Variants in ANKRD6 observed in about 807,000 individuals in gnomAD.
ANKRD6 encodes ankyrin repeat domain 6, also known as ankyrin repeat domain-containing protein 6.
A neutral mutation model predicts 82.3 loss-of-function variants in ANKRD6; 56 were observed. The observed-to-expected ratio is 0.68, with a 90% confidence interval of 0.55 to 0.85. The LOEUF (loss-of-function observed/expected upper bound fraction) is 0.85, where lower values mean the gene tolerates loss of function less well. Among genes scored for constraint, ANKRD6 ranks in the 40% least tolerant of loss-of-function variants. The probability of loss-of-function intolerance (pLI) is 0.00; values close to 1 mark genes in which losing one functional copy is unlikely to be tolerated. For synonymous variants in ANKRD6, 347 were observed against 352.1 expected (o/e 0.99, Z 0.16); for missense variants, 852 against 907.6 (o/e 0.94, Z 0.79).
intron 1 of ANKRD6, chr6:89,478,433 TA>T (rs1217048852): frequency 1.1e-4 from 16 of 149,194 alleles, no homozygotes; most frequent in East Asian, 3.9e-4. Context: ...ACCCTGTCTC[TA>T]AAAAAAAAAT....
At chr6:89,543,891 TC>T (rs1784727811) in intron 1 of ANKRD6, among the ~76,000 whole-genome samples, 1 of 152,222 alleles carries the variant, frequency 6.6e-6, no homozygotes, top group Non-Finnish European at 1.5e-5. Flanking sequence ...GACATTTACA[TC>T]CATCCTTGCC....
chr6:89,450,863 G>A (rs114078819), intron 1 of ANKRD6, among the ~76,000 whole-genome samples: 2,722 of 152,212 alleles, frequency 0.018, 85 homozygotes, highest in African/African-American at 0.061. Flanking sequence ...CTATGGTGTA[G>A]TAAATAGACT....
chr6:89,523,188 T>C (rs890739413), intron 1 of ANKRD6, among the ~76,000 whole-genome samples: 1 of 152,224 alleles, frequency 6.6e-6, no homozygotes, highest in Non-Finnish European at 1.5e-5. Flanking sequence ...GCTGTGGCAC[T>C]ATCAACTCTC....
At chr6:89,513,556 G>A (rs1166603203) in intron 1 of ANKRD6, among the ~76,000 whole-genome samples, 1 of 152,142 alleles carries the variant, frequency 6.6e-6, no homozygotes, top group African/African-American at 2.4e-5. Context: ...ATAGTTTATT[G>A]ATTTACATTC....
chr6:89,447,482 A>G (rs1351554274), intron 1 of ANKRD6, among the ~76,000 whole-genome samples: 1 of 152,196 alleles, frequency 6.6e-6, no homozygotes, highest in Non-Finnish European at 1.5e-5. Context: ...AAGCTAGCAG[A>G]GATTGGTTCA....
At chr6:89,608,963 C>G (rs1412401778) in intron 5 of ANKRD6, among the ~76,000 whole-genome samples, 1 of 152,236 alleles carries the variant, frequency 6.6e-6, no homozygotes, top group Admixed American at 6.5e-5. Context: ...TGGCTCCTTT[C>G]CCCTAGAGCA....
At chr6:89,492,793 C>A (rs757709448) in intron 1 of ANKRD6, among the ~76,000 whole-genome samples, 1 of 152,112 alleles carries the variant, frequency 6.6e-6, no homozygotes, top group Non-Finnish European at 1.5e-5. Context: ...CCATTTGGTA[C>A]CTTTTTTTTC....
chr6:89,481,048 C>G (rs940603871), intron 1 of ANKRD6, among the ~76,000 whole-genome samples: 3 of 151,860 alleles, frequency 2.0e-5, no homozygotes, highest in Non-Finnish European at 4.4e-5. Flanking sequence ...TCCTACCCCA[C>G]AAAGATAACC....
At chr6:89,483,172 T>C (rs1434111649) in intron 1 of ANKRD6, among the ~76,000 whole-genome samples, 1 of 152,230 alleles carries the variant, frequency 6.6e-6, no homozygotes, top group African/African-American at 2.4e-5. Flanking sequence ...CCCAGCACAG[T>C]GTCCTTGGAT....
chr6:89,612,351 G>GC lies in ANKRD6; in HGVS notation c.498dup (p.Ala167ArgfsTer2), dbSNP rs1563065736. ...CGCGTCCTCCTGCTGGCCGGGTCCCGCGCTGACCTCAAAAATAATGTGGGT... is the reference window on the plus strand; with the variant it reads ...CGCGTCCTCCTGCTGGCCGGGTCCCGCCGCTGACCTCAAAAATAATGTGGGT... On this transcript the variant is annotated frameshift_variant, in exon 6 of 16. Coordinates refer to ENST00000339746, the MANE Select transcript of ANKRD6 (RefSeq NM_001242809.2). LOFTEE classifies it high-confidence loss of function. The GC allele has an allele frequency of 6.4e-7, 1 of 1,559,142 alleles. No individual in the cohort carries two copies. The highest frequency in any genetic ancestry group is 1.9e-5 in the Admixed American group (1 of 52,130).
intron 1 of ANKRD6, among the ~76,000 whole-genome samples, chr6:89,468,090 G>T (rs76527516): frequency 7.2e-5 from 11 of 152,144 alleles, no homozygotes; most frequent in East Asian, 5.8e-4. Context: ...GAAATTAGGC[G>T]ACCCACACCA....
At chr6:89,500,451 C>T (rs541121545) in intron 1 of ANKRD6, among the ~76,000 whole-genome samples, 4 of 152,146 alleles carry the variant, frequency 2.6e-5, no homozygotes, top group Non-Finnish European at 5.9e-5. Context: ...CATCAGGCTG[C>T]AAAATTTTCA....
chr6:89,546,850 T>A (rs934428388), intron 1 of ANKRD6, among the ~76,000 whole-genome samples: 5 of 152,244 alleles, frequency 3.3e-5, no homozygotes, highest in African/African-American at 1.2e-4. Context: ...ACCTTCTCAC[T>A]GTGATTGGCG....
chr6:89,545,270 G>C (rs1041827082), intron 1 of ANKRD6, among the ~76,000 whole-genome samples: 12 of 151,618 alleles, frequency 7.9e-5, no homozygotes, highest in African/African-American at 2.9e-4. Flanking sequence ...CAGAAAGTTC[G>C]GGGGAATTTG....
At chr6:89,615,916 A>T (rs191347216) in intron 7 of ANKRD6, among the ~76,000 whole-genome samples, 12 of 152,366 alleles carry the variant, frequency 7.9e-5, no homozygotes, top group Non-Finnish European at 1.5e-4. Context: ...TATAAAGATA[A>T]TATGAACATT....
chr6:89,540,609 G>A (rs1351031910), intron 1 of ANKRD6, among the ~76,000 whole-genome samples: 1 of 152,046 alleles, frequency 6.6e-6, no homozygotes, highest in Non-Finnish European at 1.5e-5. Flanking sequence ...TTCCTTTGCT[G>A]TGCAGAAGCT....
chr6:89,608,331 G>A (rs909467979), intron 5 of ANKRD6, among the ~76,000 whole-genome samples: 1 of 124,984 alleles, frequency 8.0e-6, no homozygotes, highest in Non-Finnish European at 1.7e-5. Context: ...GGGACAATGG[G>A]CAGCAGTAAG....
intron 1 of ANKRD6, among the ~76,000 whole-genome samples, chr6:89,526,303 A>T (rs1028406353): frequency 2.0e-5 from 3 of 152,178 alleles, no homozygotes; most frequent in Admixed American, 6.5e-5. Flanking sequence ...GCTGACATCC[A>T]GGGAGCCACA....
chr6:89,612,718 T>C (rs1800524022), intron 6 of ANKRD6, among the ~76,000 whole-genome samples: 1 of 152,204 alleles, frequency 6.6e-6, no homozygotes. Flanking sequence ...TGTTGTACTA[T>C]TATCAGCAAA....
Sources: allele counts gnomAD v4.1 joint callset (sites outside exome capture counted in the v4.1 genomes callset), GRCh38; gene constraint gnomAD v4.1.1; transcripts MANE v1.5; gene names NCBI Gene and HGNC (gene_info 2026-07-23, HGNC 2026-07-21).